Variants in FCRLB observed in about 807,000 individuals in gnomAD.
FCRLB encodes Fc receptor-like B.
FCRLB carries 34 observed loss-of-function variants against 33.6 expected under a neutral mutation model. The observed-to-expected ratio is 1.01, with a 90% CI of 0.77 to 1.35. The LOEUF (loss-of-function observed/expected upper bound fraction) is 1.35, where lower values mean the gene tolerates loss of function less well. Among genes scored for constraint, FCRLB ranks in the 40% most tolerant of loss-of-function variants. The pLI, the probability that FCRLB is intolerant of heterozygous loss-of-function variation, is 0.00. For missense variants in FCRLB, 560 were observed against 580.2 expected, an observed-to-expected ratio of 0.97 and a Z score of 0.36; for synonymous variants, 280 against 255.9, an observed-to-expected ratio of 1.09 and a Z score of -0.90.
chr1:161,722,616 C>T (rs1683405693), intron 2 of FCRLB, 37 bp from the exon 3 acceptor site: 1 of 1,604,242 alleles, frequency 6.2e-7, no homozygotes, highest in Non-Finnish European at 8.5e-7. Flanking sequence ...TCTCTCTGTT[C>T]CCCATCTCAT....
At chr1:161,723,599 C>T (rs1417071126) in exon 5 of FCRLB, 1 of 1,614,120 alleles carries the variant, frequency 6.2e-7, no homozygotes, top group Non-Finnish European at 8.5e-7. Flanking sequence ...TCAGTGACCC[C>T]ATCCACCTCT....
At chr1:161,725,517 C>T (rs1020649225) in intron 5 of FCRLB, among the ~76,000 whole-genome samples, 3 of 152,086 alleles carry the variant, frequency 2.0e-5, no homozygotes, top group African/African-American at 4.8e-5. Context: ...TGGCGCCCAC[C>T]GGTAATCCCA....
At position 161,726,299 on chromosome 1, in the gene FCRLB, C is replaced by T; in HGVS notation, c.574+212C>T. ...GCTGGTCCCTTTCCCCGACGCACAT[C>T]CTGGCTTCTCACTCTGGCTGGGGAC... On this transcript the variant is annotated intron_variant, in intron 6 of 7. Transcript: ENST00000367948. This position sits in a 1 kb window ranked among gnomAD's most constrained non-coding sequence, Gnocchi z 5.2. 1.2e-6 allele frequency: 1 copy of T among 857,500 alleles called. No homozygotes were observed. Among genetic ancestry groups the T allele is most frequent in the Non-Finnish European group, 1.9e-6 (1 of 527,736 alleles). 53.1% of individuals were successfully genotyped at this position (857,500 alleles called of 1,614,324 possible). A position where few individuals can be genotyped will look rare whatever the true frequency, so the allele number is the denominator to read the frequency against.
In FCRLB at chr1:161,726,036, C is replaced by T; in HGVS notation, c.523C>T (p.Pro175Ser). 6.2e-7 allele frequency: 1 copy of T among 1,613,460 alleles called. No individual in the cohort carries two copies. Among genetic ancestry groups the T allele is most frequent in the South Asian group, 1.1e-5 (1 of 90,978 alleles). The change falls in exon 6 of 8, where the codon CCG (proline) becomes TCG (serine). Residue 175 changes from proline to serine, a missense_variant. By Grantham distance (74) the Pro-to-Ser change is moderately conservative (BLOSUM62 -1). Transcript: ENST00000367948. This position sits in a 1 kb window ranked among gnomAD's most constrained non-coding sequence, Gnocchi z 5.2. Reference sequence around the variant, plus strand: ...CCAGTGCTCGGGCACCATGCGCATCCCGGTGGAGAGCGCGCCCATGTTCTC... The same window carrying T: ...CCAGTGCTCGGGCACCATGCGCATCTCGGTGGAGAGCGCGCCCATGTTCTC...
intron 3 of FCRLB, 90 bp downstream of exon 3, chr1:161,722,793 C>A: frequency 6.4e-7 from 1 of 1,555,138 alleles, no homozygotes; most frequent in Non-Finnish European, 8.8e-7. Flanking sequence ...GTATCCAATC[C>A]TCAGTTTCCA....
Position 161,723,378 on chromosome 1 carries a change from A to T in FCRLB, c.64A>T (p.Lys22Ter), listed in dbSNP as rs1378096556. The T allele has an allele frequency of 6.2e-7, 1 of 1,613,842 alleles. No individual in the cohort carries two copies. Among genetic ancestry groups the T allele is most frequent in the African/African-American group, 1.3e-5 (1 of 74,858 alleles). Residue 22 changes from lysine (K) to a stop codon, truncating the protein, a stop_gained, in exon 5 of 8, where the codon AAG (lysine) becomes TAG (stop). Transcript: ENST00000367948. LOFTEE classifies it high-confidence loss of function. ...ACTCCCCACCCCAGCTACTCTGGAG[A>T]AGCCCATATTGTCTCTACATCCACC... is the stretch of plus-strand genomic sequence containing the variant.
chr1:161,727,466 A>G, exon 8 of FCRLB: 1 of 1,614,076 alleles, frequency 6.2e-7, no homozygotes, highest in Non-Finnish European at 8.5e-7. Context: ...CCCTTGGAAC[A>G]ATCGGCTGGA....
Position 161,726,878 on chromosome 1 carries a change from C to G in FCRLB, c.750C>G (p.Ala250=). 6.3e-7 allele frequency: 1 copy of G among 1,584,782 alleles called. No individual in the cohort carries two copies. The highest frequency in any genetic ancestry group is 1.1e-5 in the South Asian group (1 of 87,584). Residue 250 remains alanine (A), a synonymous_variant, in exon 7 of 8, where the codon GCC becomes GCG. Transcript: ENST00000367948. The surrounding 1 kb of genome is among the most constrained non-coding windows in gnomAD (Gnocchi z 5.2). ...CGGTGCGCCGCTTCGACTGGGGCGC[C>G]GAGTACACAGTCCCGGAGCCCGAGG...
chr1:161,725,760 T>C, intron 5 of FCRLB, 61 bp from the exon 6 acceptor site: 1 of 1,529,732 alleles, frequency 6.5e-7, no homozygotes, highest in Admixed American at 2.0e-5. Context: ...GCTGTGAGAG[T>C]GGGAGATCTC....
chr1:161,725,930 C>A, exon 6 of FCRLB: 1 of 1,614,224 alleles, frequency 6.2e-7, no homozygotes, highest in Non-Finnish European at 8.5e-7. Flanking sequence ...ACTACTACCA[C>A]GACGGCCAGG....
rs1348841341 is a variant in FCRLB, at chr1:161,726,854, G to C, written c.726G>C (p.Ala242=). ...TCGCGTTTTACAAGTACAGCCGCGC[G>C]GTGCGCCGCTTCGACTGGGGCGCCG... The change falls in exon 7 of 8, where the codon GCG becomes GCC. Residue 242 remains alanine, a synonymous_variant. Transcript: ENST00000367948. This position sits in a 1 kb window ranked among gnomAD's most constrained non-coding sequence, Gnocchi z 5.2. The C allele has an allele frequency of 4.4e-6, 7 of 1,575,524 alleles. No individual in the cohort carries two copies. Among genetic ancestry groups the C allele is most frequent in the Non-Finnish European group, 6.0e-6 (7 of 1,160,682 alleles).
At chr1:161,722,917 C>A in intron 3 of FCRLB, 72 bp from the exon 4 acceptor site, 1 of 1,598,414 alleles carries the variant, frequency 6.3e-7, no homozygotes, top group Non-Finnish European at 8.6e-7. Flanking sequence ...CCTTTCTTGT[C>A]GTCAAGAGTC....
rs772643859 is a variant in FCRLB at position 161,727,212 on chromosome 1, C to A, written c.866-35C>A. 3.9e-6 allele frequency: 6 copies of A among 1,548,184 alleles called. No homozygotes were observed. In the South Asian group the frequency reaches 7.3e-5, roughly 19 times the overall value. ...CAGCCCAGCGCCGAGAAGAACCATG[C>A]AAGCCGCGCGTGACTGGGCGTAATG... On this transcript the variant is annotated intron_variant, in intron 7 of 7. Coordinates refer to ENST00000367948, the Ensembl canonical transcript of FCRLB.
intron 2 of FCRLB, 44 bp from the exon 3 acceptor site, chr1:161,722,605 TTCTC>T: frequency 3.1e-6 from 5 of 1,587,712 alleles, no homozygotes; most frequent in Non-Finnish European, 4.3e-6. Flanking sequence ...GCCACATTCT[TTCTC>T]TCTGTTCCCC....
rs976469973 is a variant in FCRLB at position 161,726,501 on chromosome 1, C to A, written c.575-202C>A. On this transcript the variant is annotated intron_variant, in intron 6 of 7. Transcript: ENST00000367948. The surrounding 1 kb of genome is among the most constrained non-coding windows in gnomAD (Gnocchi z 5.2). ...CGTCTGGCCTGGTCCCTCTTCCTTT[C>A]AAGCTTTCCCCGTCCCTCGTGGACT... The A allele has an allele frequency of 3.7e-6, 3 of 803,874 alleles. No homozygotes were observed. Among genetic ancestry groups the A allele is most frequent in the Non-Finnish European group, 6.3e-6 (3 of 478,374 alleles). The allele number at this position is 803,874 out of a possible 1,614,324, so 49.8% of individuals were successfully genotyped here. A position where few individuals can be genotyped will look rare whatever the true frequency, so the allele number is the denominator to read the frequency against.
In FCRLB at chr1:161,726,167, G is replaced by A; in HGVS notation, c.574+80G>A. On this transcript the variant is annotated intron_variant, in intron 6 of 7. Coordinates refer to ENST00000367948, the Ensembl canonical transcript of FCRLB. This position sits in a 1 kb window ranked among gnomAD's most constrained non-coding sequence, Gnocchi z 5.2. ...GGACAGGAGCTCGGCGAGAAAAGAA[G>A]GGGCGGAAGTTCAAATAGCTGCCAC... The A allele has an allele frequency of 1.2e-6, 2 of 1,605,622 alleles. No homozygotes were observed. Among genetic ancestry groups the A allele is most frequent in the African/African-American group, 1.3e-5 (1 of 74,950 alleles).
At chr1:161,723,254 G>A (rs1354974075) in intron 4 of FCRLB, 113 bp from the exon 5 acceptor site, 1 of 1,334,492 alleles carries the variant, frequency 7.5e-7, no homozygotes, top group South Asian at 1.3e-5. Flanking sequence ...TACATGGGCT[G>A]GGGCCTGCGA....
At chr1:161,722,333 T>G (rs1025818837) in intron 2 of FCRLB, among the ~76,000 whole-genome samples, 1 of 152,194 alleles carries the variant, frequency 6.6e-6, no homozygotes, top group Non-Finnish European at 1.5e-5. Flanking sequence ...AGCCTGAAGA[T>G]GGCGGGGTCA....
At chr1:161,725,373 G>A (rs1180539124) in intron 5 of FCRLB, among the ~76,000 whole-genome samples, 1 of 152,220 alleles carries the variant, frequency 6.6e-6, no homozygotes, top group Non-Finnish European at 1.5e-5. Flanking sequence ...AGGCCCGGTG[G>A]CTCACGCCTG....
Sources: gnomAD v4.1 joint callset for allele counts (sites outside exome capture counted in the v4.1 genomes callset) on GRCh38, gnomAD v4.1.1 for gene constraint, Gnocchi (gnomAD v3.1) non-coding constraint, MANE v1.5 for transcripts, NCBI Gene and HGNC (gene_info 2026-07-23, HGNC 2026-07-21) for gene names.